The following SETD3 variants were observed in gnomAD, a reference collection of about 807,000 sequenced individuals.
SETD3 encodes the protein SET domain containing 3, actin N3(tau)-histidine methyltransferase, also known as actin-histidine N-methyltransferase.
Under a neutral mutation model 63.0 loss-of-function variants are expected in SETD3, and 19 were observed. The observed-to-expected ratio is 0.30, with a 90% CI of 0.21 to 0.44. The LOEUF (loss-of-function observed/expected upper bound fraction) is 0.44. Among genes scored for constraint, SETD3 ranks in the 20% least tolerant of loss-of-function variants. The pLI, the probability that SETD3 is intolerant of heterozygous loss-of-function variation, is 1.00. For missense variants in SETD3, 587 were observed against 728.5 expected (o/e 0.81, Z 2.24); for synonymous variants, 286 against 264.1 (o/e 1.08, Z -0.80).
Position 99,445,058 on chromosome 14 carries a change from T to C in SETD3, c.675+13221A>G, listed in dbSNP as rs567129411. Among the ~76,000 whole-genome samples the C allele has an allele frequency of 3.3e-5, 5 of 152,252 alleles. No homozygotes were observed. In the South Asian group the frequency reaches 1.0e-3, roughly 32 times the overall value. On this transcript the variant is annotated intron_variant, in intron 6 of 12. Transcript: ENST00000331768. ...ATTCAAAAACAGTGTTCAGGCCATA[T>C]CAATTCCAGGTAGAGGTAATATGCG...
At chr14:99,448,735 C>T (rs1157687561) in intron 6 of SETD3, among the ~76,000 whole-genome samples, 1 of 152,100 alleles carries the variant, frequency 6.6e-6, no homozygotes, top group East Asian at 1.9e-4. Flanking sequence ...GCAATGTTAC[C>T]ATGAAGTTGG....
intron 12 of SETD3, among the ~76,000 whole-genome samples, chr14:99,399,575 C>G (rs1030149375): frequency 6.6e-6 from 1 of 152,010 alleles, no homozygotes; most frequent in Non-Finnish European, 1.5e-5. Flanking sequence ...TTTGTGAAAT[C>G]ACGTGAATTA....
chr14:99,413,837 C>T, intron 7 of SETD3, 39 bp downstream of exon 7: 1 of 1,604,220 alleles, frequency 6.2e-7, no homozygotes, highest in South Asian at 1.1e-5. Flanking sequence ...ACTTAGAAAC[C>T]ACCCTCAATA....
intron 6 of SETD3, among the ~76,000 whole-genome samples, chr14:99,429,458 C>A (rs1893054860): frequency 6.6e-6 from 1 of 152,166 alleles, no homozygotes; most frequent in South Asian, 2.1e-4. Context: ...GCCAAGAAAT[C>A]TAAACATAAA....
intron 1 of SETD3, among the ~76,000 whole-genome samples, chr14:99,477,074 A>T (rs558236539): frequency 6.6e-6 from 1 of 152,190 alleles, no homozygotes; most frequent in South Asian, 2.1e-4. Context: ...TTGGCTTAGT[A>T]ATCAGTAGAT....
chr14:99,462,542 G>C (rs1348789538), intron 3 of SETD3, among the ~76,000 whole-genome samples: 1 of 152,196 alleles, frequency 6.6e-6, no homozygotes, highest in Admixed American at 6.5e-5. Context: ...TTGAGAACTG[G>C]CAAATGCTTT....
At chr14:99,420,591 A>G (rs1452975304) in intron 6 of SETD3, among the ~76,000 whole-genome samples, 1 of 152,160 alleles carries the variant, frequency 6.6e-6, no homozygotes, top group Non-Finnish European at 1.5e-5. Context: ...GGCAGTGACC[A>G]TAGGCTTCAA....
At position 99,400,224 on chromosome 14, in the gene SETD3, T is replaced by C. The variant is rs775406167; in HGVS notation, c.1213A>G (p.Ile405Val). The change falls in exon 12 of 13, where the codon ATT becomes GTT. Residue 405 changes from isoleucine to valine, a missense_variant. By Grantham distance (29) the Ile-to-Val change is conservative. Coordinates refer to ENST00000331768, the MANE Select transcript of SETD3 (RefSeq NM_032233.3). ...TTCCCCAAGGTGAAGATTCTATCAA[T>C]AGCGCTGTCTCCCAGCAAGTGTTCT... is the stretch of plus-strand genomic sequence containing the variant. Reference protein sequence around the residue: ...LKEHLLGDSAIDRIFTLGNSE... With the variant: ...LKEHLLGDSAVDRIFTLGNSE... The C allele has an allele frequency of 1.9e-6, 3 of 1,613,750 alleles. No individual in the cohort carries two copies. The highest frequency in any genetic ancestry group is 1.3e-5 in the African/African-American group (1 of 75,016).
At chr14:99,458,217 C>A in intron 6 of SETD3, 62 bp downstream of exon 6, 2 of 1,526,396 alleles carry the variant, frequency 1.3e-6, no homozygotes, top group Non-Finnish European at 1.8e-6. Flanking sequence ...TATTTATGGA[C>A]TCAATTCCTC....
intron 6 of SETD3, among the ~76,000 whole-genome samples, chr14:99,454,590 G>C (rs1342281195): frequency 6.6e-6 from 1 of 152,186 alleles, no homozygotes; most frequent in Non-Finnish European, 1.5e-5. Flanking sequence ...ACACAAAATA[G>C]TAATAGCATA....
chr14:99,471,802 T>C (rs1370821883), intron 1 of SETD3, among the ~76,000 whole-genome samples: 1 of 152,200 alleles, frequency 6.6e-6, no homozygotes, highest in Admixed American at 6.5e-5. Context: ...AATTAGTCTG[T>C]TTCTGATAGA....
chr14:99,417,727 C>T (rs978644708), intron 6 of SETD3, among the ~76,000 whole-genome samples: 1 of 152,220 alleles, frequency 6.6e-6, no homozygotes, highest in Non-Finnish European at 1.5e-5. Context: ...ACATTAACAG[C>T]TCTGCACAGG....
intron 7 of SETD3, 186 bp from the exon 8 acceptor site, chr14:99,413,251 GA>G (rs1892105166): frequency 1.8e-6 from 1 of 564,360 alleles, no homozygotes; most frequent in African/African-American, 1.9e-5. Flanking sequence ...AGAGCCAGGG[GA>G]AATGCAGGAG....
rs369422851 is a variant in SETD3 at position 99,467,571 on chromosome 14, C to T, written c.-8-1758G>A. On this transcript the variant is annotated intron_variant, in intron 1 of 12. Transcript: ENST00000331768. Reference sequence around the variant, plus strand: ...CCACCAAGGAGTCTGGTAATAAGGACGTTAATCACACTTCCAAATATAGTG... The same window carrying T: ...CCACCAAGGAGTCTGGTAATAAGGATGTTAATCACACTTCCAAATATAGTG... 1.2e-4 allele frequency among the ~76,000 whole-genome samples: 19 copies of T among 152,288 alleles called. 1 individual carries two copies. The highest frequency in any genetic ancestry group is 8.3e-4 in the South Asian group (4 of 4,810).
chr14:99,402,530 C>A (rs1204584416), intron 11 of SETD3, among the ~76,000 whole-genome samples: 1 of 152,176 alleles, frequency 6.6e-6, no homozygotes, highest in African/African-American at 2.4e-5. Flanking sequence ...TCAATCAATC[C>A]TCCAACTTCC....
chr14:99,398,731 A>T lies in SETD3; in HGVS notation c.1733T>A (p.Val578Asp). The T allele has an allele frequency of 1.2e-6, 2 of 1,614,234 alleles. No homozygotes were observed. The highest frequency in any genetic ancestry group is 1.7e-6 in the Non-Finnish European group (2 of 1,180,048). ...ESLNQESKRA[V>D]EDAKGSSSDS... Reference sequence around the variant, plus strand: ...TGAAGAAGATCCTTTGGCGTCTTCAACTGCTCTTTTACTTTCTTGATTGAG... The same window carrying T: ...TGAAGAAGATCCTTTGGCGTCTTCATCTGCTCTTTTACTTTCTTGATTGAG... The change falls in exon 13 of 13, where the codon GTT becomes GAT. Residue 578 changes from valine (V) to aspartate (D), a missense_variant. Transcript: ENST00000331768.
chr14:99,414,273 A>C (rs898893436), intron 6 of SETD3, among the ~76,000 whole-genome samples: 1 of 152,272 alleles, frequency 6.6e-6, no homozygotes, highest in African/African-American at 2.4e-5. Flanking sequence ...GCAGAAACGC[A>C]GAGCCGCCCA....
intron 6 of SETD3, among the ~76,000 whole-genome samples, chr14:99,438,232 T>C (rs1467868295): frequency 6.6e-6 from 1 of 152,232 alleles, no homozygotes; most frequent in African/African-American, 2.4e-5. Flanking sequence ...TGTGTGTCAC[T>C]ACGGTTAAGG....
upstream of SETD3, among the ~76,000 whole-genome samples, chr14:99,484,929 A>T (rs1464620245): frequency 2.6e-5 from 4 of 152,230 alleles, no homozygotes; most frequent in Admixed American, 6.5e-5. Context: ...ATGCCTTGAC[A>T]GGTTGCTTGT....
Sources: gnomAD v4.1 joint callset for allele counts (sites outside exome capture counted in the v4.1 genomes callset) on GRCh38, gnomAD v4.1.1 for gene constraint, MANE v1.5 for transcripts, NCBI Gene and HGNC (gene_info 2026-07-23, HGNC 2026-07-21) for gene names.